Variants in FKTN observed in about 807,000 individuals in gnomAD.
FKTN encodes the protein fukutin.
FKTN carries 47 observed loss-of-function variants against 58.6 expected under a neutral mutation model. That is an observed-to-expected ratio of 0.80 (90% CI 0.63 to 1.02). The LOEUF (loss-of-function observed/expected upper bound fraction) is 1.02, where lower values mean the gene tolerates loss of function less well. Ranked by LOEUF, FKTN falls within the 50% of genes least tolerant of loss-of-function variation. The pLI is 0.00. For missense variants in FKTN, 516 were observed against 537.3 expected (o/e 0.96, Z 0.39); for synonymous variants, 178 against 191.9 (o/e 0.93, Z 0.60).
intron 3 of FKTN, among the ~76,000 whole-genome samples, chr9:105,587,542 G>T (rs1269273396): frequency 1.3e-5 from 2 of 151,994 alleles, no homozygotes; most frequent in Non-Finnish European, 2.9e-5. Flanking sequence ...TGCCTTCAAG[G>T]ATAACATATA....
At chr9:105,614,227 A>G (rs1043013530) in intron 7 of FKTN, among the ~76,000 whole-genome samples, 1 of 152,218 alleles carries the variant, frequency 6.6e-6, no homozygotes, top group Non-Finnish European at 1.5e-5. Flanking sequence ...AACGAAGAGA[A>G]TCAGAAAACC....
chr9:105,635,159 G>A lies in FKTN; in HGVS notation c.1281G>A (p.Trp427Ter). 1 of 1,614,104 alleles carries A rather than the reference G, an allele frequency of 6.2e-7. No individual in the cohort carries two copies. Among genetic ancestry groups the A allele is most frequent in the Middle Eastern group, 1.6e-4 (1 of 6,062 alleles). The part of the protein sequence containing the change: ...EYIEANYGKT[W>*]KIPVKTWDWK... Reference sequence around the variant, plus strand: ...TTGAAGCCAACTATGGTAAGACCTGGAAGATTCCTGTAAAGACGTGGGACT... The same window carrying A: ...TTGAAGCCAACTATGGTAAGACCTGAAAGATTCCTGTAAAGACGTGGGACT... Residue 427 changes from tryptophan to a stop codon, truncating the protein, a stop_gained, in exon 11 of 11, where the codon TGG becomes TGA. Coordinates refer to ENST00000357998, the MANE Select transcript of FKTN (RefSeq NM_001079802.2). LOFTEE classifies it high-confidence loss of function.
chr9:105,606,524 TC>T (rs921317150), intron 6 of FKTN, among the ~76,000 whole-genome samples: 4 of 151,800 alleles, frequency 2.6e-5, no homozygotes, highest in Non-Finnish European at 4.4e-5. Flanking sequence ...GATGTTACAG[TC>T]TACTTTGAAT....
At position 105,640,302 on chromosome 9, in the gene FKTN, G is replaced by A; in HGVS notation, c.*5038G>A. 8 of 788,950 alleles carry A rather than the reference G, an allele frequency of 1.0e-5. No homozygotes were observed. The highest frequency in any genetic ancestry group is 1.5e-5 in the Non-Finnish European group (8 of 534,214). 48.9% of individuals were successfully genotyped at this position (788,950 alleles called of 1,614,324 possible). On this transcript the variant is annotated 3_prime_UTR_variant, in exon 11 of 11. Coordinates refer to ENST00000357998, the MANE Select transcript of FKTN (RefSeq NM_001079802.2). ...GCAGTGGCTCACACCTGTAATACCA[G>A]CAGTTTGAGAAGCTAAGGCAGGTGG...
Position 105,628,388 on chromosome 9 carries a change from A to G in FKTN, c.1173-6663A>G, listed in dbSNP as rs569226650. The stretch of plus-strand genomic sequence containing the variant: ...CATGTTATATGGGAATTGTATACTT[A>G]TACAATATGTAGAAGTAGCAGTTAT... On this transcript the variant is annotated intron_variant, in intron 10 of 10. Coordinates refer to ENST00000357998, the MANE Select transcript of FKTN (RefSeq NM_001079802.2). Among the ~76,000 whole-genome samples the G allele has an allele frequency of 1.5e-4, 23 of 152,346 alleles. No homozygotes were observed. In the South Asian group the frequency reaches 4.6e-3, roughly 30 times the overall value.
At chr9:105,587,597 A>G (rs189472860) in intron 3 of FKTN, among the ~76,000 whole-genome samples, 5 of 152,278 alleles carry the variant, frequency 3.3e-5, no homozygotes. Context: ...GCTTGATCCA[A>G]TGTGGTAAAC....
chr9:105,588,473 A>G (rs983310387), intron 3 of FKTN, among the ~76,000 whole-genome samples: 15 of 152,236 alleles, frequency 9.9e-5, no homozygotes, highest in African/African-American at 3.6e-4. Flanking sequence ...ATAGGCTATG[A>G]AACAAATGAT....
At chr9:105,607,749 T>C (rs1190367898) in intron 6 of FKTN, 70 bp from the exon 7 acceptor site, 1 of 1,338,026 alleles carries the variant, frequency 7.5e-7, no homozygotes, top group East Asian at 2.3e-5. Flanking sequence ...ACGCATTAGG[T>C]ATTTGTCCTA....
intron 10 of FKTN, among the ~76,000 whole-genome samples, chr9:105,630,330 GAAAATGATAAAATTTTCTAGAAA>G (rs1470699235): frequency 6.6e-6 from 1 of 152,096 alleles, no homozygotes; most frequent in Non-Finnish European, 1.5e-5. Context: ...GTTAAAATGT[GAAAATGATAAAATTTTCTAGAAA>G]AATAAATACC....
chr9:105,629,646 A>G (rs1833155997), intron 10 of FKTN, among the ~76,000 whole-genome samples: 1 of 152,126 alleles, frequency 6.6e-6, no homozygotes, highest in Non-Finnish European at 1.5e-5. Flanking sequence ...GTCCTCTGGC[A>G]TTGAGGAAAA....
chr9:105,570,606 C>T (rs1396932828), intron 1 of FKTN, among the ~76,000 whole-genome samples: 3 of 152,130 alleles, frequency 2.0e-5, no homozygotes, highest in Non-Finnish European at 2.9e-5. Context: ...TACTGCCCTT[C>T]TTCTTTTGAA....
intron 1 of FKTN, among the ~76,000 whole-genome samples, chr9:105,571,575 C>A (rs1174422136): frequency 6.6e-6 from 1 of 152,034 alleles, no homozygotes; most frequent in South Asian, 2.1e-4. Flanking sequence ...AGATTTTATG[C>A]CTGTAGTAGC....
intron 3 of FKTN, among the ~76,000 whole-genome samples, chr9:105,594,752 A>G (rs1369998621): frequency 1.3e-5 from 2 of 152,170 alleles, no homozygotes; most frequent in East Asian, 3.8e-4. Flanking sequence ...CATTAATAAT[A>G]GTAATAATAA....
intron 8 of FKTN, among the ~76,000 whole-genome samples, chr9:105,615,892 T>A (rs1341043747): frequency 6.6e-6 from 1 of 152,216 alleles, no homozygotes; most frequent in Non-Finnish European, 1.5e-5. Flanking sequence ...GTGATCTCTG[T>A]CTCTCAGAGT....
At chr9:105,577,947 C>A (rs1421826949) in intron 3 of FKTN, among the ~76,000 whole-genome samples, 1 of 151,792 alleles carries the variant, frequency 6.6e-6, no homozygotes, top group Non-Finnish European at 1.5e-5. Flanking sequence ...AATAGGAGTT[C>A]ACTTATGATT....
Position 105,639,686 on chromosome 9 carries a change from T to G in FKTN, c.*4422T>G. The G allele has an allele frequency of 2.2e-6, 2 of 929,912 alleles. No individual in the cohort carries two copies. Among genetic ancestry groups the G allele is most frequent in the Non-Finnish European group, 2.6e-6 (2 of 778,316 alleles). The allele number at this position is 929,912 out of a possible 1,614,324, so 57.6% of individuals were successfully genotyped here. A position where few individuals can be genotyped will look rare whatever the true frequency, so the allele number is the denominator to read the frequency against. The stretch of plus-strand genomic sequence containing the variant: ...AGTCATTAATACAATTATACATTAA[T>G]TATATTACATTAATACAATATATGG... On this transcript the variant is annotated 3_prime_UTR_variant, in exon 11 of 11. Transcript: ENST00000357998.
At chr9:105,621,683 A>G (rs1178981891) in intron 10 of FKTN, among the ~76,000 whole-genome samples, 1 of 152,082 alleles carries the variant, frequency 6.6e-6, no homozygotes, top group Non-Finnish European at 1.5e-5. Context: ...GTATTATGGC[A>G]TATTACACAC....
Position 105,637,042 on chromosome 9 carries a change from G to T in FKTN, c.*1778G>T. On this transcript the variant is annotated 3_prime_UTR_variant, in exon 11 of 11. Coordinates refer to ENST00000357998, the MANE Select transcript of FKTN (RefSeq NM_001079802.2). ...CATCATCATAATCCATTTTCTCTTT[G>T]CTAGAAAATCAGCCCATAGAGTGCA... 1.0e-6 allele frequency: 1 copy of T among 992,462 alleles called. No homozygotes were observed. The highest frequency in any genetic ancestry group is 1.2e-6 in the Non-Finnish European group (1 of 833,448). The allele number at this position is 992,462 out of a possible 1,614,324, so 61.5% of individuals were successfully genotyped here. A position where few individuals can be genotyped will look rare whatever the true frequency, so the allele number is the denominator to read the frequency against.
At chr9:105,607,977 T>C (rs942898747) in intron 7 of FKTN, 26 bp downstream of exon 7, 10 of 1,596,788 alleles carry the variant, frequency 6.3e-6, no homozygotes, top group South Asian at 4.4e-5. Context: ...ATGTGTACTT[T>C]TAAATTAAAG....
Sources: gnomAD v4.1 joint callset for allele counts (sites outside exome capture counted in the v4.1 genomes callset) on GRCh38, gnomAD v4.1.1 for gene constraint, MANE v1.5 for transcripts, NCBI Gene and HGNC (gene_info 2026-07-23, HGNC 2026-07-21) for gene names.